The following REPS1 variants were observed in gnomAD, a reference collection of about 807,000 sequenced individuals.
REPS1 encodes the protein ralBP1-associated Eps domain-containing protein 1.
In REPS1, 39 loss-of-function variants were observed where a neutral mutation model predicts 100.9. The ratio of observed to expected loss-of-function variants is 0.39; its 90% CI spans 0.30 to 0.50. The LOEUF (loss-of-function observed/expected upper bound fraction) is 0.50. REPS1 is among the 20% of genes least tolerant of loss of function. REPS1 has a pLI of 0.86. For synonymous variants in REPS1, 324 were observed against 340.3 expected (o/e 0.95, Z 0.53); for missense variants, 821 against 968.5 (o/e 0.85, Z 2.02).
At chr6:138,914,847 T>A (rs912589731) in intron 14 of REPS1, 86 bp from the exon 15 acceptor site, 8 of 1,105,010 alleles carry the variant, frequency 7.2e-6, no homozygotes, top group East Asian at 2.4e-5. Context: ...TGTGACTACA[T>A]GATAAAGATT....
At chr6:138,968,477 G>T (rs1337224903) in intron 1 of REPS1, among the ~76,000 whole-genome samples, 2 of 151,818 alleles carry the variant, frequency 1.3e-5, no homozygotes, top group African/African-American at 2.4e-5. Context: ...AGATATGAAC[G>T]CAGTTTTGTA....
intron 18 of REPS1, among the ~76,000 whole-genome samples, chr6:138,908,426 C>T (rs1779799133): frequency 2.0e-5 from 3 of 152,116 alleles, no homozygotes; most frequent in Admixed American, 2.0e-4. Flanking sequence ...TCCCGAGTAG[C>T]TGGGACTACA....
At chr6:138,916,626 T>C (rs1444371166) in intron 13 of REPS1, among the ~76,000 whole-genome samples, 7 of 152,182 alleles carry the variant, frequency 4.6e-5, no homozygotes, top group East Asian at 3.8e-4. Context: ...AAAATAATTG[T>C]ATAAAGGAAA....
chr6:138,985,554 T>G (rs924367565), intron 1 of REPS1, among the ~76,000 whole-genome samples: 2 of 152,224 alleles, frequency 1.3e-5, no homozygotes, highest in African/African-American at 4.8e-5. Flanking sequence ...TGTCTCATAT[T>G]TCTATGTCTT....
chr6:138,911,962 G>A lies in REPS1; in HGVS notation c.1972-591C>T, dbSNP rs564559527. Among the ~76,000 whole-genome samples, 16 of 152,294 alleles carry A rather than the reference G, an allele frequency of 1.1e-4. No individual in the cohort carries two copies. In the East Asian group the frequency reaches 3.1e-3, roughly 29 times the overall value. On this transcript the variant is annotated intron_variant, in intron 16 of 19. Coordinates refer to ENST00000450536, the MANE Select transcript of REPS1 (RefSeq NM_001286611.2). ...GTCTGGGAAGTCTTCGTGGTTGGGA[G>A]AAGGGAGGCATCCACCCAGGGGAGT...
At chr6:138,976,488 T>A (rs1349506085) in intron 1 of REPS1, among the ~76,000 whole-genome samples, 1 of 152,182 alleles carries the variant, frequency 6.6e-6, no homozygotes, top group Non-Finnish European at 1.5e-5. Flanking sequence ...ATTATTCCAG[T>A]GGACAAAGCA....
chr6:138,932,765 G>A (rs79784510), intron 8 of REPS1, among the ~76,000 whole-genome samples: 9 of 152,120 alleles, frequency 5.9e-5, no homozygotes, highest in Non-Finnish European at 1.2e-4. Flanking sequence ...CTTGGGTATC[G>A]CGCGGGCATT....
chr6:138,932,440 TAC>T (rs1207118685), intron 8 of REPS1, among the ~76,000 whole-genome samples: 1 of 149,140 alleles, frequency 6.7e-6, no homozygotes, highest in African/African-American at 2.6e-5. Context: ...ATTCTTCACT[TAC>T]AGTTATTGTA....
At chr6:138,905,973 C>T (rs975718603) in intron 19 of REPS1, among the ~76,000 whole-genome samples, 1 of 152,150 alleles carries the variant, frequency 6.6e-6, no homozygotes, top group Non-Finnish European at 1.5e-5. Flanking sequence ...TGTGTTTTAA[C>T]CAGAACTACC....
chr6:138,981,201 GTCT>G (rs747291001), intron 1 of REPS1, among the ~76,000 whole-genome samples: 7 of 152,182 alleles, frequency 4.6e-5, no homozygotes, highest in Non-Finnish European at 8.8e-5. Context: ...AATAAATTCT[GTCT>G]TCATTATTTA....
chr6:138,943,599 T>C (rs776426440), intron 6 of REPS1, 23 bp from the exon 7 acceptor site: 51 of 1,513,576 alleles, frequency 3.4e-5, no homozygotes, highest in Non-Finnish European at 4.6e-5. Flanking sequence ...AACAGTGTTG[T>C]TTAATGTTAT....
intron 12 of REPS1, 99 bp downstream of exon 12, chr6:138,920,116 T>G (rs759319981): frequency 2.9e-6 from 2 of 682,258 alleles, no homozygotes; most frequent in Non-Finnish European, 5.3e-6. Context: ...CTCTACTTTA[T>G]CTAGTGAAGA....
intron 8 of REPS1, among the ~76,000 whole-genome samples, chr6:138,941,109 A>T (rs1782219269): frequency 6.6e-6 from 1 of 152,236 alleles, no homozygotes; most frequent in African/African-American, 2.4e-5. Flanking sequence ...ACAAATACAA[A>T]GGTAAAATAG....
intron 8 of REPS1, among the ~76,000 whole-genome samples, chr6:138,937,106 A>T (rs934063441): frequency 1.3e-5 from 2 of 152,078 alleles, no homozygotes; most frequent in Admixed American, 6.5e-5. Flanking sequence ...GAGCTTGTGC[A>T]GGGAAACTCC....
intron 1 of REPS1, among the ~76,000 whole-genome samples, chr6:138,954,287 T>C (rs1280980636): frequency 1.3e-5 from 2 of 151,910 alleles, no homozygotes; most frequent in Non-Finnish European, 2.9e-5. Flanking sequence ...AACAATAATA[T>C]ATAGTTTCAC....
chr6:138,905,098 T>G lies in REPS1; in HGVS notation c.2357A>C (p.Gln786Pro). Residue 786 changes from glutamine (Q) to proline (P), a missense_variant, in exon 20 of 20, where the codon CAA (glutamine) becomes CCA (proline). Gln to Pro is a moderately conservative substitution (Grantham distance 76, BLOSUM62 -1). Transcript: ENST00000450536. Reference protein sequence around the residue: ...VLEERISLEVQLEQLRPFSHL With the variant: ...VLEERISLEVPLEQLRPFSHL Reference sequence around the variant, plus strand: ...AGAGAATGGTCGAAGTTGTTCCAGTTGAACTTCCAGGGAAATTCTCTCCTC... The same window carrying G: ...AGAGAATGGTCGAAGTTGTTCCAGTGGAACTTCCAGGGAAATTCTCTCCTC... 1 of 1,613,832 alleles carries G rather than the reference T, an allele frequency of 6.2e-7. No individual in the cohort carries two copies. Among genetic ancestry groups the G allele is most frequent in the Non-Finnish European group, 8.5e-7 (1 of 1,179,740 alleles).
At chr6:138,956,911 A>G (rs889050921) in intron 1 of REPS1, among the ~76,000 whole-genome samples, 2 of 152,116 alleles carry the variant, frequency 1.3e-5, no homozygotes, top group African/African-American at 4.8e-5. Flanking sequence ...AGAACAAGAT[A>G]CTATGTTAAA....
rs770952382 is a variant in REPS1, at chr6:138,908,743, C to T, written c.2141G>A (p.Arg714Lys). Reference sequence around the variant, plus strand: ...TTGTGTATGTTCATCAACTTCTGGCCTTAATTCATCTTCTGATTTTAATCT... The same window carrying T: ...TTGTGTATGTTCATCAACTTCTGGCTTTAATTCATCTTCTGATTTTAATCT... ...RRRLKSEDEL[R>K]PEVDEHTQKT... is the part of the protein sequence containing the mutation. Residue 714 changes from arginine (R) to lysine (K), a missense_variant, in exon 18 of 20, where the codon AGG becomes AAG. Arg to Lys is a conservative substitution (Grantham distance 26). Transcript: ENST00000450536. 1.2e-6 allele frequency: 2 copies of T among 1,614,158 alleles called. No homozygotes were observed. Among genetic ancestry groups the T allele is most frequent in the East Asian group, 4.5e-5 (2 of 44,888 alleles).
In REPS1 at chr6:138,976,534, C is replaced by G. The variant is rs138503650; in HGVS notation, c.153+10996G>C. Among the ~76,000 whole-genome samples, 254 of 152,290 alleles carry G rather than the reference C, an allele frequency of 1.7e-3. 1 individual carries two copies. Among genetic ancestry groups the G allele is most frequent in the African/African-American group, 6.0e-3 (248 of 41,570 alleles). On this transcript the variant is annotated intron_variant, in intron 1 of 19. Transcript: ENST00000450536. ...GTCCTGTAGACTGAAACTACTATTT[C>G]ATTAAAATTATTACTTGTCAGTCAT...
Sources: gnomAD v4.1 joint callset for allele counts (sites outside exome capture counted in the v4.1 genomes callset) on GRCh38, gnomAD v4.1.1 for gene constraint, MANE v1.5 for transcripts, NCBI Gene and HGNC (gene_info 2026-07-23, HGNC 2026-07-21) for gene names.